PTPRO: variants seen among roughly 807,000 people sequenced by gnomAD.
The protein encoded by PTPRO is receptor-type tyrosine-protein phosphatase O.
A neutral mutation model predicts 145.2 loss-of-function variants in PTPRO; 62 were observed. The ratio of observed to expected loss-of-function variants is 0.43; its 90% CI spans 0.35 to 0.53. The LOEUF is 0.53. Among genes scored for constraint, PTPRO ranks in the 20% least tolerant of loss-of-function variants. The pLI, the probability that PTPRO is intolerant of heterozygous loss-of-function variation, is 0.01. For missense variants in PTPRO, 1,345 were observed against 1,482.7 expected (o/e 0.91, Z 1.53); for synonymous variants, 565 against 514.7 (o/e 1.10, Z -1.32).
intron 1 of PTPRO, among the ~76,000 whole-genome samples, chr12:15,383,651 A>G (rs1442876052): frequency 1.3e-5 from 2 of 152,208 alleles, no homozygotes; most frequent in Non-Finnish European, 2.9e-5. Flanking sequence ...CAAAGACATA[A>G]ATCAACATAT....
intron 1 of PTPRO, among the ~76,000 whole-genome samples, chr12:15,389,707 T>G (rs890914780): frequency 3.9e-5 from 6 of 152,220 alleles, no homozygotes; most frequent in African/African-American, 1.4e-4. Context: ...TGGATAGAAT[T>G]TGTGTTTAAC....
At position 15,322,626 on chromosome 12, in the gene PTPRO, G is replaced by T. The variant is rs1866326606; in HGVS notation, c.-101G>T. On this transcript the variant is annotated 5_prime_UTR_variant, in exon 1 of 27. Coordinates refer to ENST00000281171, the MANE Select transcript of PTPRO (RefSeq NM_030667.3). The surrounding 1 kb of genome is among the most constrained non-coding windows in gnomAD (Gnocchi z 6.3). ...CATGCGCTCGCCAGGAGCAACCTCG[G>T]CGCCCAGGGTCTGAGGCTGCAGCCC... The T allele has an allele frequency of 9.8e-7, 1 of 1,016,768 alleles. No individual in the cohort carries two copies. Among genetic ancestry groups the T allele is most frequent in the East Asian group, 2.6e-5 (1 of 38,476 alleles). 63.0% of individuals were successfully genotyped at this position (1,016,768 alleles called of 1,614,324 possible).
chr12:15,415,421 G>A (rs1485739394), intron 1 of PTPRO, among the ~76,000 whole-genome samples: 2 of 144,668 alleles, frequency 1.4e-5, no homozygotes, highest in Non-Finnish European at 3.0e-5. Context: ...GTCTCGCTCT[G>A]TCGCCCAGGC....
intron 1 of PTPRO, among the ~76,000 whole-genome samples, chr12:15,481,146 T>C (rs1941771454): frequency 6.6e-6 from 1 of 152,216 alleles, no homozygotes; most frequent in African/African-American, 2.4e-5. Flanking sequence ...GTTTTATCCT[T>C]CTTGCCCAAA....
rs1233634237 is a variant in PTPRO at position 15,499,536 on chromosome 12, T to TA, written c.607dup (p.Ser203LysfsTer5). 6.2e-7 allele frequency: 1 copy of TA among 1,613,766 alleles called. No individual in the cohort carries two copies. Among genetic ancestry groups the TA allele is most frequent in the Non-Finnish European group, 8.5e-7 (1 of 1,179,836 alleles). On this transcript the variant is annotated frameshift_variant, in exon 4 of 27. Transcript: ENST00000281171. LOFTEE classifies it high-confidence loss of function. ...AGCTGGTATCTGAGGCAACTTTTAA[T>TA]AAAAGTACCCTTGTTGAGTACAGTG...
chr12:15,573,181 G>T (rs1944098799), intron 19 of PTPRO, among the ~76,000 whole-genome samples: 1 of 152,156 alleles, frequency 6.6e-6, no homozygotes, highest in Non-Finnish European at 1.5e-5. Flanking sequence ...GGGCAGGCTG[G>T]CAGGCTGGAG....
At chr12:15,514,225 T>C (rs1239880518) in intron 7 of PTPRO, among the ~76,000 whole-genome samples, 1 of 152,090 alleles carries the variant, frequency 6.6e-6, no homozygotes, top group Non-Finnish European at 1.5e-5. Context: ...CCCAGGCACG[T>C]GGATCACCTG....
chr12:15,516,517 G>GA (rs57482917), intron 8 of PTPRO, among the ~76,000 whole-genome samples: 1 of 36,214 alleles, frequency 2.8e-5, no homozygotes, highest in African/African-American at 7.1e-5. Context: ...AAGAAAGAAA[G>GA]AAAAAGAAAA....
intron 1 of PTPRO, among the ~76,000 whole-genome samples, chr12:15,374,771 A>T (rs989344758): frequency 1.3e-5 from 2 of 152,194 alleles, no homozygotes; most frequent in Non-Finnish European, 2.9e-5. Flanking sequence ...CTGAACAAAA[A>T]CATAAAAGGA....
Position 15,484,161 on chromosome 12 carries a change from A to G in PTPRO, c.263A>G (p.Tyr88Cys), listed in dbSNP as rs375282118. 56 of 1,613,252 alleles carry G rather than the reference A, an allele frequency of 3.5e-5. No homozygotes were observed. The highest frequency in any genetic ancestry group is 4.7e-5 in the Non-Finnish European group (55 of 1,179,398). Reference sequence around the variant, plus strand: ...CCTCCTGTTATTTTCAAGGCCAGTTATCATGGCCTTTATTATATAATCACT... The same window carrying G: ...CCTCCTGTTATTTTCAAGGCCAGTTGTCATGGCCTTTATTATATAATCACT... The part of the protein sequence containing the change: ...LPPPVIFKAS[Y>C]HGLYYIITLV... The change falls in exon 2 of 27, where the codon TAT (tyrosine) becomes TGT (cysteine). Residue 88 changes from tyrosine to cysteine, a missense_variant. By Grantham distance (194) the Tyr-to-Cys change is radical. Coordinates refer to ENST00000281171, the MANE Select transcript of PTPRO (RefSeq NM_030667.3).
intron 2 of PTPRO, among the ~76,000 whole-genome samples, chr12:15,493,304 A>G (rs894296849): frequency 1.3e-5 from 2 of 151,786 alleles, no homozygotes; most frequent in Non-Finnish European, 2.9e-5. Context: ...CTAATATACA[A>G]ACCCTAGAGA....
At chr12:15,493,318 TA>T (rs35388150) in intron 2 of PTPRO, among the ~76,000 whole-genome samples, 3,011 of 152,144 alleles carry the variant, frequency 0.02, 110 homozygotes, top group East Asian at 0.14. Flanking sequence ...CTAGAGAACT[TA>T]ACACCTATAG....
chr12:15,409,138 C>T (rs183555675), intron 1 of PTPRO, among the ~76,000 whole-genome samples: 86 of 152,054 alleles, frequency 5.7e-4, no homozygotes, highest in African/African-American at 1.9e-3. Flanking sequence ...AAACTTTCAT[C>T]GGAATCTAAG....
Position 15,322,897 on chromosome 12 carries a change from C to T in PTPRO, c.75+96C>T. The T allele has an allele frequency of 3.2e-6, 4 of 1,251,220 alleles. No individual in the cohort carries two copies. The highest frequency in any genetic ancestry group is 4.5e-6 in the Non-Finnish European group (4 of 893,830). The allele number at this position is 1,251,220 out of a possible 1,614,324, so 77.5% of individuals were successfully genotyped here. ...CCGTTGGGAGCGGCGCGCCCCAGGGCACGATGGCCCAGCCGCGGGAAGCGC... is the reference window on the plus strand; with the variant it reads ...CCGTTGGGAGCGGCGCGCCCCAGGGTACGATGGCCCAGCCGCGGGAAGCGC... On this transcript the variant is annotated intron_variant, in intron 1 of 26. Coordinates refer to ENST00000281171, the MANE Select transcript of PTPRO (RefSeq NM_030667.3). The surrounding 1 kb of genome is among the most constrained non-coding windows in gnomAD (Gnocchi z 6.3).
At chr12:15,450,640 G>A (rs370742227) in intron 1 of PTPRO, among the ~76,000 whole-genome samples, 9 of 152,180 alleles carry the variant, frequency 5.9e-5, no homozygotes, top group Non-Finnish European at 8.8e-5. Context: ...TGGGTGTGTC[G>A]TGTGTGCCAA....
In PTPRO at chr12:15,526,145, A is replaced by G; in HGVS notation, c.2047A>G (p.Thr683Ala). The G allele has an allele frequency of 6.2e-7, 1 of 1,614,022 alleles. No individual in the cohort carries two copies. Among genetic ancestry groups the G allele is most frequent in the Non-Finnish European group, 8.5e-7 (1 of 1,179,914 alleles). The change falls in exon 12 of 27, where the codon ACA becomes GCA. Residue 683 changes from threonine to alanine, a missense_variant. Thr to Ala is a moderately conservative substitution (Grantham distance 58). This residue lies in a region of PTPRO where 1,130 missense variants were observed against 1,214.7 expected (regional missense o/e 0.93). Coordinates refer to ENST00000281171, the MANE Select transcript of PTPRO (RefSeq NM_030667.3). ...EGKKKIKKSV[T>A]RNVMTAILSL... ...CTTGATTTTGATGATCTTGCAGGTA[A>G]CACGCAATGTCATGACTGCAATTCT...
At chr12:15,434,008 T>A (rs1456862321) in intron 1 of PTPRO, among the ~76,000 whole-genome samples, 3 of 152,226 alleles carry the variant, frequency 2.0e-5, no homozygotes, top group Non-Finnish European at 4.4e-5. Flanking sequence ...TTTCACTGAA[T>A]ATGTGGTCTC....
intron 12 of PTPRO, among the ~76,000 whole-genome samples, chr12:15,543,858 A>AAG (rs2135544118): frequency 6.6e-6 from 1 of 152,308 alleles, no homozygotes; most frequent in East Asian, 1.9e-4. Context: ...ATACTGATTG[A>AAG]AGGCAAACAT....
At position 15,557,543 on chromosome 12, in the gene PTPRO, A is replaced by C. The variant is rs1943666877; in HGVS notation, c.2627+20A>C. 3.1e-6 allele frequency: 5 copies of C among 1,604,162 alleles called. No homozygotes were observed. In the East Asian group the frequency reaches 1.1e-4, roughly 36 times the overall value. ...CAACTGGTGAGTATTGTTTTGGAAC[A>C]AGCTTCTACATAGTTTAACTATGCT... On this transcript the variant is annotated intron_variant, in intron 16 of 26. Coordinates refer to ENST00000281171, the MANE Select transcript of PTPRO (RefSeq NM_030667.3).
Sources: allele counts gnomAD v4.1 joint callset (sites outside exome capture counted in the v4.1 genomes callset), GRCh38; gene constraint gnomAD v4.1.1; regional missense constraint gnomAD v4.1.1; non-coding constraint Gnocchi (gnomAD v3.1); transcripts MANE v1.5; gene names NCBI Gene and HGNC (gene_info 2026-07-23, HGNC 2026-07-21).